The following MAGI2 variants were observed in gnomAD, a reference collection of about 807,000 sequenced individuals.
MAGI2 encodes the protein membrane-associated guanylate kinase, WW and PDZ domain-containing protein 2.
In MAGI2, 35 loss-of-function variants were observed where a neutral mutation model predicts 133.3. That is an observed-to-expected ratio of 0.26 (90% confidence interval 0.20 to 0.35). The LOEUF (loss-of-function observed/expected upper bound fraction) is 0.35, where lower values mean the gene tolerates loss of function less well. MAGI2 is among the 10% of genes least tolerant of loss of function. MAGI2 has a pLI of 1.00. For missense variants in MAGI2, 1,636 were observed against 1,863.4 expected, an observed-to-expected ratio of 0.88 and a Z score of 2.25; for synonymous variants, 729 against 710.6, an observed-to-expected ratio of 1.03 and a Z score of -0.41.
intron 1 of MAGI2, among the ~76,000 whole-genome samples, chr7:79,119,120 G>A (rs1819659891): frequency 6.6e-6 from 1 of 151,986 alleles, no homozygotes; most frequent in Non-Finnish European, 1.5e-5. Context: ...AAATTTAATT[G>A]ACATAAATTT....
At position 79,191,402 on chromosome 7, in the gene MAGI2, C is replaced by CTTTTTTTTTTTTTTTTTTTTTTT. The variant is rs71095386; in HGVS notation, c.302-184219_302-184197dup. ...TCTTTTTTTCTTTTTCTTTTTCTTTCTTTTTTTTTTTTTTTTTTTTTTTTT... is the reference window on the plus strand; with the variant it reads ...TCTTTTTTTCTTTTTCTTTTTCTTTCTTTTTTTTTTTTTTTTTTTTTTTTTTTTTTTTTTTTTTTTTTTTTTTT... On this transcript the variant is annotated intron_variant, in intron 1 of 21. Transcript: ENST00000354212. Among the ~76,000 whole-genome samples, 188 of 22,340 alleles carry CTTTTTTTTTTTTTTTTTTTTTTT rather than the reference C, an allele frequency of 8.4e-3. 17 individuals carry two copies. Among genetic ancestry groups the CTTTTTTTTTTTTTTTTTTTTTTT allele is most frequent in the Non-Finnish European group, 0.013 (140 of 10,650 alleles). The allele number at this position is 22,340 out of a possible 152,430, so 14.7% of individuals were successfully genotyped here. A position where few individuals can be genotyped will look rare whatever the true frequency, so the allele number is the denominator to read the frequency against.
At chr7:79,388,302 C>A (rs529903055) in intron 1 of MAGI2, among the ~76,000 whole-genome samples, 1 of 152,060 alleles carries the variant, frequency 6.6e-6, no homozygotes, top group Admixed American at 6.6e-5. Flanking sequence ...CCTAAGCTTA[C>A]TTACTTTTAG....
intron 10 of MAGI2, among the ~76,000 whole-genome samples, chr7:78,227,785 CTCTTG>C (rs1293278724): frequency 3.3e-5 from 5 of 151,934 alleles, no homozygotes; most frequent in Non-Finnish European, 5.9e-5. Flanking sequence ...TCATTTGTCA[CTCTTG>C]TCTTCTCTGT....
Position 78,795,303 on chromosome 7 carries a change from C to T in MAGI2, c.419-168064G>A, listed in dbSNP as rs192729296. On this transcript the variant is annotated intron_variant, in intron 2 of 21. Coordinates refer to ENST00000354212, the MANE Select transcript of MAGI2 (RefSeq NM_012301.4). ...AACAATCTTATATTCAGATCTTATG[C>T]AAAATTTTTTATTTAGAAAAAATTA... Among the ~76,000 whole-genome samples the T allele has an allele frequency of 7.1e-3, 1,081 of 151,482 alleles. 9 individuals carry two copies. The highest frequency in any genetic ancestry group is 0.012 in the Non-Finnish European group (830 of 67,844).
At chr7:78,524,950 G>T (rs1563122296) in intron 3 of MAGI2, among the ~76,000 whole-genome samples, 1 of 151,464 alleles carries the variant, frequency 6.6e-6, no homozygotes, top group Non-Finnish European at 1.5e-5. Context: ...ACACTTCAGT[G>T]TTTTTTTTCC....
At chr7:78,177,024 A>C (rs1826704129) in intron 14 of MAGI2, among the ~76,000 whole-genome samples, 1 of 151,558 alleles carries the variant, frequency 6.6e-6, no homozygotes, top group Non-Finnish European at 1.5e-5. Context: ...TTTATTCAGC[A>C]CTTAATGTGA....
intron 3 of MAGI2, chr7:78,616,629 T>A (rs190635380): frequency 6.6e-6 from 1 of 152,288 alleles, no homozygotes. Flanking sequence ...ACTCACAATG[T>A]TAATGATGAG....
In MAGI2 at chr7:78,196,714, G is replaced by C. The variant is rs563709636; in HGVS notation, c.2080-1651C>G. On this transcript the variant is annotated intron_variant, in intron 11 of 21. Transcript: ENST00000354212. Reference sequence around the variant, plus strand: ...GACTGGGACTGTGGCAGGGGTTCATGTTGAGCCAGCAAACTGGAAAAGAAA... The same window carrying C: ...GACTGGGACTGTGGCAGGGGTTCATCTTGAGCCAGCAAACTGGAAAAGAAA... 2.6e-5 allele frequency among the ~76,000 whole-genome samples: 4 copies of C among 152,328 alleles called. No individual in the cohort carries two copies. The East Asian group carries it at 7.7e-4, about 29-fold the overall frequency.
In MAGI2 at chr7:79,424,978, C is replaced by G. The variant is rs1045403597; in HGVS notation, c.301+28042G>C. ...TACACTATTGCGACTAAGTTCTGGT[C>G]AATAGGATGTAAACATAAGTCTTGT... On this transcript the variant is annotated intron_variant, in intron 1 of 21. Coordinates refer to ENST00000354212, the MANE Select transcript of MAGI2 (RefSeq NM_012301.4). Among the ~76,000 whole-genome samples the G allele has an allele frequency of 3.3e-5, 5 of 151,984 alleles. No homozygotes were observed. In the South Asian group the frequency reaches 1.0e-3, roughly 32 times the overall value.
At chr7:78,150,104 A>G (rs539239611) in intron 16 of MAGI2, among the ~76,000 whole-genome samples, 2 of 152,330 alleles carry the variant, frequency 1.3e-5, no homozygotes, top group East Asian at 1.9e-4. Flanking sequence ...CAAATGCACA[A>G]ATAAAAAATC....
chr7:79,255,553 G>A (rs932502307), intron 1 of MAGI2, among the ~76,000 whole-genome samples: 3 of 152,084 alleles, frequency 2.0e-5, no homozygotes, highest in Non-Finnish European at 2.9e-5. Context: ...TTCGCAATTC[G>A]CACAATGAGA....
chr7:79,222,952 TCGGCTCACTGCAAGCTCCGCCTCC>T (rs2129553562), intron 1 of MAGI2, among the ~76,000 whole-genome samples: 1 of 152,214 alleles, frequency 6.6e-6, no homozygotes, highest in South Asian at 2.1e-4. Context: ...TGGCGCTGTC[TCGGCTCACTGCAAGCTCCGCCTCC>T]CGGGTTCACG....
chr7:78,445,034 G>A (rs1026135474), intron 6 of MAGI2, among the ~76,000 whole-genome samples: 3 of 150,170 alleles, frequency 2.0e-5, no homozygotes, highest in African/African-American at 7.5e-5. Context: ...TATCTGGGCA[G>A]GGGGCAAGAA....
At chr7:79,049,464 C>T (rs1166670216) in intron 1 of MAGI2, among the ~76,000 whole-genome samples, 1 of 152,162 alleles carries the variant, frequency 6.6e-6, no homozygotes, top group Non-Finnish European at 1.5e-5. Flanking sequence ...AAGTTATACA[C>T]AGGCTAGAAA....
chr7:78,709,467 A>G (rs1379932043), intron 2 of MAGI2, among the ~76,000 whole-genome samples: 1 of 152,144 alleles, frequency 6.6e-6, no homozygotes, highest in Non-Finnish European at 1.5e-5. Flanking sequence ...GCTTTCTTAG[A>G]CATCTCTGGC....
intron 1 of MAGI2, among the ~76,000 whole-genome samples, chr7:79,140,756 G>A (rs527240650): frequency 1.3e-5 from 2 of 151,914 alleles, no homozygotes; most frequent in African/African-American, 4.8e-5. Context: ...GATCTATTTG[G>A]TATATCGTTG....
chr7:79,388,158 C>G (rs183787138), intron 1 of MAGI2, among the ~76,000 whole-genome samples: 13 of 151,906 alleles, frequency 8.6e-5, no homozygotes, highest in Admixed American at 3.9e-4. Flanking sequence ...GTATAATTCT[C>G]TTCTATTAAG....
chr7:78,201,978 AT>A (rs1006289569), intron 10 of MAGI2, among the ~76,000 whole-genome samples: 2 of 152,214 alleles, frequency 1.3e-5, no homozygotes, highest in African/African-American at 4.8e-5. Flanking sequence ...TATGAAATCA[AT>A]TTTTTAAAAG....
chr7:78,957,384 G>A (rs1258528664), intron 2 of MAGI2, among the ~76,000 whole-genome samples: 1 of 151,350 alleles, frequency 6.6e-6, no homozygotes, highest in African/African-American at 2.4e-5. Context: ...AATGTTTTTG[G>A]TTTGAACTGA....
Sources: allele counts gnomAD v4.1 joint callset (sites outside exome capture counted in the v4.1 genomes callset), GRCh38; gene constraint gnomAD v4.1.1; transcripts MANE v1.5; gene names NCBI Gene and HGNC (gene_info 2026-07-23, HGNC 2026-07-21).